The following TRPM3 variants were observed in gnomAD, a reference collection of about 807,000 sequenced individuals.
TRPM3 encodes long transient receptor potential channel 3.
A neutral mutation model predicts 181.2 loss-of-function variants in TRPM3; 77 were observed. The observed-to-expected ratio is 0.42, with a 90% CI of 0.35 to 0.51. The LOEUF (loss-of-function observed/expected upper bound fraction) is 0.51, where lower values mean the gene tolerates loss of function less well. TRPM3 is among the 20% of genes least tolerant of loss of function. The pLI, the probability that TRPM3 is intolerant of heterozygous loss-of-function variation, is 0.01. For synonymous variants in TRPM3, 745 were observed against 796.4 expected (o/e 0.94, Z 1.09); for missense variants, 1,759 against 2,196.7 (o/e 0.80, Z 3.98).
chr9:71,048,514 C>T (rs1301333750), intron 1 of TRPM3, among the ~76,000 whole-genome samples: 1 of 152,196 alleles, frequency 6.6e-6, no homozygotes, highest in Non-Finnish European at 1.5e-5. Context: ...GTGGTATGCG[C>T]TTTCAGCAAC....
At chr9:71,373,787 A>G (rs2092594546) in intron 1 of TRPM3, among the ~76,000 whole-genome samples, 1 of 152,232 alleles carries the variant, frequency 6.6e-6, no homozygotes. Flanking sequence ...TAAAGCCAGC[A>G]TCATCCTGAT....
At chr9:71,089,690 C>T (rs928794322) in intron 1 of TRPM3, among the ~76,000 whole-genome samples, 1 of 152,040 alleles carries the variant, frequency 6.6e-6, no homozygotes, top group Non-Finnish European at 1.5e-5. Context: ...GAGTTAGCAA[C>T]CATAACCATG....
At position 70,843,055 on chromosome 9, in the gene TRPM3, C is replaced by G. The variant is rs535604537; in HGVS notation, c.749G>C (p.Gly250Ala). 7.4e-6 allele frequency: 12 copies of G among 1,613,762 alleles called. No homozygotes were observed. In the East Asian group the frequency reaches 2.5e-4, roughly 33 times the overall value. The change falls in exon 5 of 26, where the codon GGT (glycine) becomes GCT (alanine). Residue 250 changes from glycine to alanine, a missense_variant. This residue lies in a region of TRPM3 where 737 missense variants were observed against 957.4 expected (regional missense o/e 0.77). Coordinates refer to ENST00000677713, the MANE Select transcript of TRPM3 (RefSeq NM_001366145.2). ...SKSRGKICTI[G>A]IAPWGIVENQ... is the part of the protein sequence containing the mutation. ...TTCCACAATTCCCCAGGGGGCAATA[C>G]CTATGGTGCATATCTTTCCTCGAGA...
At chr9:70,963,866 C>A (rs1046201240) in intron 1 of TRPM3, among the ~76,000 whole-genome samples, 2 of 152,014 alleles carry the variant, frequency 1.3e-5, no homozygotes, top group African/African-American at 4.8e-5. Flanking sequence ...AGAAAGAAAT[C>A]TTTTAAAGCA....
At chr9:70,805,804 C>G (rs2090557674) in intron 6 of TRPM3, among the ~76,000 whole-genome samples, 1 of 152,172 alleles carries the variant, frequency 6.6e-6, no homozygotes, top group Non-Finnish European at 1.5e-5. Context: ...GAACTTTCTA[C>G]TTCTCCCCAA....
At chr9:71,038,443 T>C (rs1421132363) in intron 1 of TRPM3, among the ~76,000 whole-genome samples, 1 of 152,204 alleles carries the variant, frequency 6.6e-6, no homozygotes, top group Non-Finnish European at 1.5e-5. Context: ...TTATATAACT[T>C]GGCTGAGAAT....
intron 1 of TRPM3, among the ~76,000 whole-genome samples, chr9:71,057,652 A>G (rs1021916930): frequency 6.6e-6 from 1 of 152,066 alleles, no homozygotes; most frequent in South Asian, 2.1e-4. Context: ...TTTATAGGTG[A>G]GAAATGTAAG....
intron 1 of TRPM3, among the ~76,000 whole-genome samples, chr9:71,053,669 T>C (rs2060320324): frequency 6.6e-6 from 1 of 152,170 alleles, no homozygotes; most frequent in Non-Finnish European, 1.5e-5. Flanking sequence ...AGGGTCTAAC[T>C]GTCTCCTGGT....
chr9:71,006,995 T>A (rs1213460181), intron 1 of TRPM3, among the ~76,000 whole-genome samples: 5 of 119,782 alleles, frequency 4.2e-5, no homozygotes, highest in African/African-American at 1.3e-4. Context: ...GCCGAGATAG[T>A]GCCATTGCAC....
intron 1 of TRPM3, among the ~76,000 whole-genome samples, chr9:71,232,550 G>C (rs539561234): frequency 2.0e-4 from 28 of 141,312 alleles, no homozygotes; most frequent in African/African-American, 7.3e-4. Flanking sequence ...GCCGAGGCTG[G>C]AGTGCGGTGG....
chr9:70,993,688 G>A (rs898126154), intron 1 of TRPM3, among the ~76,000 whole-genome samples: 4 of 150,718 alleles, frequency 2.7e-5, no homozygotes, highest in African/African-American at 9.8e-5. Context: ...GAGATTATCT[G>A]TGGAAGGAGC....
chr9:70,752,880 TG>T (rs1455696909), intron 8 of TRPM3, among the ~76,000 whole-genome samples: 3 of 151,984 alleles, frequency 2.0e-5, no homozygotes, highest in Non-Finnish European at 4.4e-5. Context: ...CAGGCCGAGG[TG>T]GGCAGATCAC....
chr9:70,819,425 C>G (rs943127600), intron 6 of TRPM3, among the ~76,000 whole-genome samples: 1 of 152,128 alleles, frequency 6.6e-6, no homozygotes, highest in Non-Finnish European at 1.5e-5. Context: ...ATCCAGCAAT[C>G]CTTTCTGCTA....
intron 1 of TRPM3, among the ~76,000 whole-genome samples, chr9:71,128,123 GAGACC>G (rs1357637977): frequency 2.0e-5 from 3 of 152,038 alleles, no homozygotes; most frequent in Non-Finnish European, 4.4e-5. Flanking sequence ...CACATGAGAA[GAGACC>G]CACCTCTGAC....
chr9:71,160,353 A>G (rs2076219172), intron 1 of TRPM3, among the ~76,000 whole-genome samples: 1 of 152,122 alleles, frequency 6.6e-6, no homozygotes, highest in South Asian at 2.1e-4. Context: ...TTCTAAAATC[A>G]TTTATGATTT....
intron 1 of TRPM3, chr9:70,917,012 A>G (rs1475948734): frequency 6.4e-7 from 1 of 1,570,666 alleles, no homozygotes; most frequent in East Asian, 2.2e-5. Context: ...CCTGGGACAA[A>G]CAAGGTGAGT....
intron 1 of TRPM3, among the ~76,000 whole-genome samples, chr9:70,906,790 C>G (rs1313070996): frequency 2.6e-5 from 4 of 152,134 alleles, no homozygotes; most frequent in Non-Finnish European, 4.4e-5. Context: ...ATAATCCCAG[C>G]TACTCAGGAG....
intron 9 of TRPM3, among the ~76,000 whole-genome samples, chr9:70,654,520 G>A (rs2060008525): frequency 6.6e-6 from 1 of 152,104 alleles, no homozygotes; most frequent in African/African-American, 2.4e-5. Context: ...AAATGATCCA[G>A]TGGTGACACA....
intron 1 of TRPM3, among the ~76,000 whole-genome samples, chr9:71,094,721 C>A (rs998397813): frequency 6.6e-6 from 1 of 152,040 alleles, no homozygotes. Context: ...ATAAAAGTAT[C>A]ACACACAGTG....
Sources: allele counts gnomAD v4.1 joint callset (sites outside exome capture counted in the v4.1 genomes callset), GRCh38; gene constraint gnomAD v4.1.1; regional missense constraint gnomAD v4.1.1; transcripts MANE v1.5; gene names NCBI Gene and HGNC (gene_info 2026-07-23, HGNC 2026-07-21).